ROBO1: variants seen among roughly 807,000 people sequenced by gnomAD.
The protein encoded by ROBO1 is roundabout guidance receptor 1.
In ROBO1, 149 loss-of-function variants were observed where a neutral mutation model predicts 195.9. That is an observed-to-expected ratio of 0.76 (90% CI 0.67 to 0.87). ROBO1 has a LOEUF of 0.87. Ranked by LOEUF, ROBO1 falls within the 40% of genes least tolerant of loss-of-function variation. The pLI is 0.00. For synonymous variants in ROBO1, 816 were observed against 733.2 expected (o/e 1.11, Z -1.82); for missense variants, 1,933 against 2,068.3 (o/e 0.93, Z 1.27).
intron 1 of ROBO1, among the ~76,000 whole-genome samples, chr3:79,666,095 T>C (rs914413479): frequency 3.3e-5 from 5 of 151,938 alleles, no homozygotes; most frequent in African/African-American, 1.2e-4. Context: ...AGTGACCCAA[T>C]TTCATAGAGA....
chr3:79,750,015 A>G (rs527237874), intron 1 of ROBO1, among the ~76,000 whole-genome samples: 3 of 152,352 alleles, frequency 2.0e-5, no homozygotes, highest in South Asian at 2.1e-4. Context: ...CAGACACTCA[A>G]GTCCAGCCCA....
At chr3:79,409,891 TCTCAC>T (rs1052635381) in intron 2 of ROBO1, among the ~76,000 whole-genome samples, 1 of 152,130 alleles carries the variant, frequency 6.6e-6, no homozygotes, top group African/African-American at 2.4e-5. Flanking sequence ...ATTCTTACCA[TCTCAC>T]CTCAACTTTC....
intron 2 of ROBO1, among the ~76,000 whole-genome samples, chr3:79,171,905 A>T (rs2081174115): frequency 6.6e-6 from 1 of 152,104 alleles, no homozygotes; most frequent in Non-Finnish European, 1.5e-5. Context: ...TATACTAAAC[A>T]CACACAAACA....
intron 4 of ROBO1, among the ~76,000 whole-genome samples, chr3:78,853,257 G>A (rs1042197858): frequency 6.6e-6 from 1 of 151,548 alleles, no homozygotes; most frequent in Non-Finnish European, 1.5e-5. Flanking sequence ...AAAGGAGGAG[G>A]TAAGTTAAGC....
At chr3:79,546,860 C>A (rs550177518) in intron 2 of ROBO1, among the ~76,000 whole-genome samples, 1 of 152,250 alleles carries the variant, frequency 6.6e-6, no homozygotes, top group African/African-American at 2.4e-5. Context: ...TATCTGTAAT[C>A]TTGCAAGATT....
rs751633456 is a variant in ROBO1, at chr3:78,647,700, G to A, written c.2813-45C>T. 5.3e-6 allele frequency: 8 copies of A among 1,507,784 alleles called. No individual in the cohort carries two copies. The Admixed American group carries it at 1.2e-4, about 22-fold the overall frequency. 93.4% of individuals were successfully genotyped at this position (1,507,784 alleles called of 1,614,324 possible). A position where few individuals can be genotyped will look rare whatever the true frequency, so the allele number is the denominator to read the frequency against. ...TATAAACCAGTTATTAAGCTGAAGA[G>A]AGAAAGGGAACATATCACATTAGTA... On this transcript the variant is annotated intron_variant, in intron 19 of 30. Transcript: ENST00000464233.
intron 3 of ROBO1, among the ~76,000 whole-genome samples, chr3:79,093,145 AT>A (rs780079306): frequency 3.3e-5 from 5 of 152,124 alleles, no homozygotes; most frequent in Non-Finnish European, 5.9e-5. Flanking sequence ...TTTGGTCAAC[AT>A]GGTATCAGTG....
At chr3:79,630,039 T>C (rs1054935803) in intron 1 of ROBO1, among the ~76,000 whole-genome samples, 2 of 151,944 alleles carry the variant, frequency 1.3e-5, no homozygotes, top group African/African-American at 2.4e-5. Context: ...GGATTCACAA[T>C]GAATTTTACA....
At chr3:79,441,646 G>T (rs1054622297) in intron 2 of ROBO1, among the ~76,000 whole-genome samples, 3 of 151,962 alleles carry the variant, frequency 2.0e-5, no homozygotes, top group African/African-American at 7.2e-5. Flanking sequence ...TCTATCCTCA[G>T]AAAAAGCAAT....
intron 5 of ROBO1, among the ~76,000 whole-genome samples, chr3:78,719,543 T>C (rs1427186474): frequency 6.6e-6 from 1 of 152,122 alleles, no homozygotes; most frequent in African/African-American, 2.4e-5. Context: ...CATATAAACA[T>C]ATATACATAC....
chr3:78,623,826 G>T (rs77551510), intron 26 of ROBO1, among the ~76,000 whole-genome samples: 4,473 of 152,170 alleles, frequency 0.029, 83 homozygotes, highest in South Asian at 0.076. Context: ...TATATGGGTC[G>T]GAAGCTCCAG....
intron 2 of ROBO1, among the ~76,000 whole-genome samples, chr3:79,236,895 TA>T (rs953401532): frequency 3.9e-5 from 6 of 152,014 alleles, no homozygotes; most frequent in African/African-American, 1.4e-4. Flanking sequence ...ACAGTAGGAG[TA>T]AAAGTAGGAA....
intron 1 of ROBO1, among the ~76,000 whole-genome samples, chr3:79,623,341 G>T (rs1052036790): frequency 6.6e-6 from 1 of 152,156 alleles, no homozygotes; most frequent in African/African-American, 2.4e-5. Flanking sequence ...CTGGATGGAG[G>T]ATCAGATGGA....
chr3:79,318,948 T>C (rs577354155), intron 2 of ROBO1, among the ~76,000 whole-genome samples: 1 of 152,282 alleles, frequency 6.6e-6, no homozygotes, highest in South Asian at 2.1e-4. Flanking sequence ...ACTTACAAAA[T>C]ATCATTTCAA....
In ROBO1 at chr3:78,714,407, C is replaced by CAA; in HGVS notation, c.1034_1035insTT (p.Thr346Ter). On this transcript the variant is annotated frameshift_variant, in exon 8 of 31. Coordinates refer to ENST00000464233, the MANE Select transcript of ROBO1 (RefSeq NM_002941.4). LOFTEE classifies it high-confidence loss of function. ...TTTCCCAATGCCTACCTTGAACAGT[C>CAA]AGAGTAGCAGATGCTTCAGCTTTGC... 6.2e-7 allele frequency: 1 copy of CAA among 1,612,122 alleles called. No individual in the cohort carries two copies. The highest frequency in any genetic ancestry group is 8.5e-7 in the Non-Finnish European group (1 of 1,179,048).
At position 79,061,626 on chromosome 3, in the gene ROBO1, T is replaced by C. The variant is rs149209760; in HGVS notation, c.172+63830A>G. Among the ~76,000 whole-genome samples, 139 of 151,852 alleles carry C rather than the reference T, an allele frequency of 9.2e-4. 1 individual carries two copies. Among genetic ancestry groups the C allele is most frequent in the African/African-American group, 3.1e-3 (130 of 41,466 alleles). ...ATACTGCATGGCTACAGTAACCAAATAGCATGGTACTGGTACCAAAACAGA... is the reference window on the plus strand; with the variant it reads ...ATACTGCATGGCTACAGTAACCAAACAGCATGGTACTGGTACCAAAACAGA... On this transcript the variant is annotated intron_variant, in intron 3 of 30. Coordinates refer to ENST00000464233, the MANE Select transcript of ROBO1 (RefSeq NM_002941.4).
intron 2 of ROBO1, among the ~76,000 whole-genome samples, chr3:79,312,026 C>G (rs966478732): frequency 6.6e-6 from 1 of 152,180 alleles, no homozygotes; most frequent in Non-Finnish European, 1.5e-5. Context: ...TTTCTGGCAC[C>G]TTGGCTCTTC....
chr3:78,783,240 G>A (rs1005911538), intron 4 of ROBO1, among the ~76,000 whole-genome samples: 2 of 151,998 alleles, frequency 1.3e-5, no homozygotes, highest in African/African-American at 4.8e-5. Context: ...CCTCCTCTGA[G>A]TCTCTATTAT....
intron 3 of ROBO1, among the ~76,000 whole-genome samples, chr3:79,006,221 T>C (rs565985276): frequency 2.3e-4 from 35 of 152,100 alleles, no homozygotes. Flanking sequence ...CTGATCACTT[T>C]GCCTGGCTCA....
Sources: allele counts gnomAD v4.1 joint callset (sites outside exome capture counted in the v4.1 genomes callset), GRCh38; gene constraint gnomAD v4.1.1; transcripts MANE v1.5; gene names NCBI Gene and HGNC (gene_info 2026-07-23, HGNC 2026-07-21).